Variants in PDE1A observed in about 807,000 individuals in gnomAD.
PDE1A encodes dual specificity calcium/calmodulin-dependent 3',5'-cyclic nucleotide phosphodiesterase 1A.
In PDE1A, 35 loss-of-function variants were observed where a neutral mutation model predicts 61.7. That is an observed-to-expected ratio of 0.57 (90% confidence interval 0.43 to 0.75). The LOEUF (loss-of-function observed/expected upper bound fraction) is 0.75, where lower values mean the gene tolerates loss of function less well. PDE1A is among the 30% of genes least tolerant of loss of function. The probability of loss-of-function intolerance (pLI) is 0.00; values close to 1 mark genes in which losing one functional copy is unlikely to be tolerated. For missense variants in PDE1A, 597 were observed against 630.6 expected (o/e 0.95, Z 0.57); for synonymous variants, 232 against 213.2 (o/e 1.09, Z -0.77).
At chr2:182,470,135 C>T (rs557934202) in intron 2 of PDE1A, among the ~76,000 whole-genome samples, 1 of 151,924 alleles carries the variant, frequency 6.6e-6, no homozygotes, top group South Asian at 2.1e-4. Flanking sequence ...CAGAGGGTTC[C>T]CACTAACTTT....
intron 8 of PDE1A, among the ~76,000 whole-genome samples, chr2:182,203,056 C>T (rs373927883): frequency 1.6e-4 from 24 of 152,312 alleles, no homozygotes; most frequent in African/African-American, 5.8e-4. Flanking sequence ...TGGCTCACGC[C>T]TGTAATCCCA....
At chr2:182,599,693 G>C in the PDE1A span, among the ~76,000 whole-genome samples, 7 of 151,930 alleles carry the variant, frequency 4.6e-5, no homozygotes, top group Non-Finnish European at 8.8e-5. Flanking sequence ...AGATGAATAG[G>C]ACATCCTTTT....
chr2:182,254,582 A>C (rs1386877269), intron 2 of PDE1A, among the ~76,000 whole-genome samples: 2 of 152,162 alleles, frequency 1.3e-5, no homozygotes, highest in Admixed American at 1.3e-4. Context: ...TTACAGGGGG[A>C]CTTTGGAACC....
intron 1 of PDE1A, among the ~76,000 whole-genome samples, chr2:182,365,704 G>A (rs1699799626): frequency 6.6e-6 from 1 of 151,746 alleles, no homozygotes. Flanking sequence ...ACTTGATTTT[G>A]TTTCTCATCA....
intron 1 of PDE1A, among the ~76,000 whole-genome samples, chr2:182,394,318 T>C (rs1436477147): frequency 6.6e-6 from 1 of 152,114 alleles, no homozygotes; most frequent in Non-Finnish European, 1.5e-5. Flanking sequence ...ACAGAGAGCA[T>C]GCAGGGGAAC....
chr2:182,519,225 T>G (rs1199500807), intron 2 of PDE1A, among the ~76,000 whole-genome samples: 3 of 152,074 alleles, frequency 2.0e-5, no homozygotes, highest in Non-Finnish European at 2.9e-5. Context: ...TGAGATGGCA[T>G]AAGAAATAGG....
the PDE1A span, among the ~76,000 whole-genome samples, chr2:182,578,537 C>A: frequency 1.9e-4 from 29 of 152,284 alleles, no homozygotes; most frequent in African/African-American, 7.0e-4. Flanking sequence ...CCAACAGATT[C>A]ATTTTTTCAT....
the PDE1A span, among the ~76,000 whole-genome samples, chr2:182,608,389 C>T: frequency 6.6e-6 from 1 of 152,332 alleles, no homozygotes; most frequent in Non-Finnish European, 1.5e-5. Flanking sequence ...CCCGCAGCTG[C>T]ACCGTGGGAG....
At chr2:182,427,684 A>G (rs1703701936), upstream of PDE1A, among the ~76,000 whole-genome samples, 2 of 152,186 alleles carry the variant, frequency 1.3e-5, no homozygotes, top group Admixed American at 1.3e-4. Flanking sequence ...CTTTTAGAAG[A>G]CAGATTTACA....
the PDE1A span, among the ~76,000 whole-genome samples, chr2:182,572,157 A>C: frequency 6.6e-6 from 1 of 152,186 alleles, no homozygotes; most frequent in African/African-American, 2.4e-5. Context: ...TTATTGAAAG[A>C]ATGGAAGTCG....
intron 1 of PDE1A, among the ~76,000 whole-genome samples, chr2:182,321,853 T>C (rs1303624688): frequency 6.6e-6 from 1 of 152,136 alleles, no homozygotes; most frequent in Non-Finnish European, 1.5e-5. Context: ...CGTAAGATTT[T>C]TATATAAGGG....
intron 2 of PDE1A, among the ~76,000 whole-genome samples, chr2:182,246,335 C>T (rs756398256): frequency 7.2e-5 from 11 of 151,964 alleles, no homozygotes; most frequent in East Asian, 1.9e-4. Context: ...TGTGCCTGCC[C>T]CCAATAGTAA....
At chr2:182,463,760 G>A (rs1485273420) in intron 2 of PDE1A, 1 of 152,126 alleles carries the variant, frequency 6.6e-6, no homozygotes, top group Non-Finnish European at 1.5e-5. Context: ...CCAAGTCCCT[G>A]TAAGGTTAAA....
chr2:182,631,545 C>A, the PDE1A span, among the ~76,000 whole-genome samples: 19 of 152,142 alleles, frequency 1.2e-4, no homozygotes, highest in Non-Finnish European at 5.9e-5. Flanking sequence ...CAGGCATACC[C>A]CCCAGAAACA....
chr2:182,427,540 C>T (rs992046446), upstream of PDE1A, among the ~76,000 whole-genome samples: 2 of 151,768 alleles, frequency 1.3e-5, no homozygotes, highest in Non-Finnish European at 2.9e-5. Flanking sequence ...ACAAAAAGCC[C>T]CTCCAAAGTG....
chr2:182,614,553 C>CTTTT, the PDE1A span, among the ~76,000 whole-genome samples: 3 of 112,612 alleles, frequency 2.7e-5, no homozygotes, highest in Non-Finnish European at 3.7e-5. Flanking sequence ...ACTAGCATAT[C>CTTTT]TTTTTTTTTT....
the PDE1A span, among the ~76,000 whole-genome samples, chr2:182,665,307 A>C: frequency 6.6e-6 from 1 of 152,304 alleles, no homozygotes; most frequent in East Asian, 1.9e-4. Flanking sequence ...GAATGGAAGA[A>C]AATTTTTGGA....
intron 1 of PDE1A, among the ~76,000 whole-genome samples, chr2:182,265,410 T>A (rs1692563475): frequency 6.6e-6 from 1 of 152,076 alleles, no homozygotes; most frequent in Non-Finnish European, 1.5e-5. Flanking sequence ...AAAAGTTAAT[T>A]GAGACAAGAA....
chr2:182,242,686 G>A (rs2128045), intron 2 of PDE1A, among the ~76,000 whole-genome samples: 108,360 of 151,988 alleles, frequency 0.71, 39,081 homozygotes, highest in African/African-American at 0.83. Flanking sequence ...CCTTAAGAAA[G>A]AAGATTAAGG....
Sources: gnomAD v4.1 joint callset for allele counts (sites outside exome capture counted in the v4.1 genomes callset) on GRCh38, gnomAD v4.1.1 for gene constraint, MANE v1.5 for transcripts, NCBI Gene and HGNC (gene_info 2026-07-23, HGNC 2026-07-21) for gene names.